ASAP2: variants seen among roughly 807,000 people sequenced by gnomAD.
The protein encoded by ASAP2 is arf-GAP with SH3 domain, ANK repeat and PH domain-containing protein 2.
ASAP2 carries 45 observed loss-of-function variants against 131.4 expected under a neutral mutation model. That is an observed-to-expected ratio of 0.34 (90% CI 0.27 to 0.44). The LOEUF (loss-of-function observed/expected upper bound fraction) is 0.44. ASAP2 is among the 20% of genes least tolerant of loss of function. The probability of loss-of-function intolerance (pLI) is 1.00; values close to 1 mark genes in which losing one functional copy is unlikely to be tolerated. For synonymous variants in ASAP2, 510 were observed against 503.0 expected (o/e 1.01, Z -0.19); for missense variants, 1,011 against 1,297.0 (o/e 0.78, Z 3.39).
rs773086867 is a variant in ASAP2 at position 9,323,087 on chromosome 2, A to G, written c.471-34A>G. The G allele has an allele frequency of 1.9e-6, 3 of 1,613,432 alleles. No homozygotes were observed. The Admixed American group carries it at 5.0e-5, about 27-fold the overall frequency. On this transcript the variant is annotated intron_variant, in intron 5 of 27. Transcript: ENST00000281419. ...CTGTCCCGTTGAGTTCTGTGCCAAC[A>G]GGCATCTTGATGTATCCTTGCTTTC...
At chr2:9,236,574 T>G (rs1207842117) in intron 1 of ASAP2, among the ~76,000 whole-genome samples, 7 of 152,184 alleles carry the variant, frequency 4.6e-5, no homozygotes, top group Admixed American at 3.9e-4. Flanking sequence ...ATAAACATTC[T>G]TAATGTCTAA....
At chr2:9,371,955 C>A (rs1278598274) in intron 16 of ASAP2, among the ~76,000 whole-genome samples, 1 of 152,160 alleles carries the variant, frequency 6.6e-6, no homozygotes, top group African/African-American at 2.4e-5. Flanking sequence ...TCTGAGGGAT[C>A]ACATTAGCAA....
At chr2:9,214,906 CTCTGGCGAAGGTGA>C (rs926250736) in intron 1 of ASAP2, among the ~76,000 whole-genome samples, 1 of 152,148 alleles carries the variant, frequency 6.6e-6, no homozygotes, top group African/African-American at 2.4e-5. Flanking sequence ...CCCTTTGACA[CTCTGGCGAAGGTGA>C]TCTGCCTCTT....
At chr2:9,396,114 G>A (rs1676129500) in intron 24 of ASAP2, among the ~76,000 whole-genome samples, 1 of 152,064 alleles carries the variant, frequency 6.6e-6, no homozygotes, top group Admixed American at 6.6e-5. Flanking sequence ...AGATTCCAGG[G>A]GTTCAGGAGC....
chr2:9,231,015 G>A (rs1003854676), intron 1 of ASAP2, among the ~76,000 whole-genome samples: 1 of 152,152 alleles, frequency 6.6e-6, no homozygotes, highest in Non-Finnish European at 1.5e-5. Flanking sequence ...TGTTTCTGGC[G>A]GGGAGATGCT....
chr2:9,361,557 T>C (rs1673079734), intron 15 of ASAP2, among the ~76,000 whole-genome samples: 1 of 151,486 alleles, frequency 6.6e-6, no homozygotes, highest in Non-Finnish European at 1.5e-5. Flanking sequence ...TTCCTTCCTT[T>C]CTTTTCTTTT....
At chr2:9,266,825 G>A (rs1256269001) in intron 1 of ASAP2, among the ~76,000 whole-genome samples, 5 of 152,192 alleles carry the variant, frequency 3.3e-5, no homozygotes, top group African/African-American at 9.7e-5. Flanking sequence ...AGTGGGAAGC[G>A]CCTGATGCTG....
chr2:9,262,039 G>A (rs565166458), intron 1 of ASAP2, among the ~76,000 whole-genome samples: 35 of 152,292 alleles, frequency 2.3e-4, no homozygotes, highest in African/African-American at 8.4e-4. Context: ...TTTAGAGACA[G>A]GGTGTTGCTA....
At chr2:9,344,682 T>C (rs1361307403) in intron 10 of ASAP2, 47 bp downstream of exon 10, 1 of 1,612,972 alleles carries the variant, frequency 6.2e-7, no homozygotes, top group African/African-American at 1.3e-5. Context: ...TTCGTTATCT[T>C]GTGTCCAAAA....
chr2:9,397,480 G>T (rs1428422208), intron 24 of ASAP2, among the ~76,000 whole-genome samples: 1 of 152,050 alleles, frequency 6.6e-6, no homozygotes, highest in South Asian at 2.1e-4. Context: ...TCAGCGCCCA[G>T]TGGAGTTCTG....
rs1373126203 is a variant in ASAP2, at chr2:9,268,576, A to G, written c.127-10741A>G. 1.3e-5 allele frequency among the ~76,000 whole-genome samples: 2 copies of G among 152,174 alleles called. No individual in the cohort carries two copies. The highest frequency in any genetic ancestry group is 2.9e-5 in the Non-Finnish European group (2 of 68,032). On this transcript the variant is annotated intron_variant, in intron 1 of 27. Transcript: ENST00000281419. This position sits in a 1 kb window ranked among gnomAD's most constrained non-coding sequence, Gnocchi z 4.1. Reference sequence around the variant, plus strand: ...CCCAAAAGGCTTCTGGAAATATTTGACACTGTCATTAATGCTCTCTGTTAC... The same window carrying G: ...CCCAAAAGGCTTCTGGAAATATTTGGCACTGTCATTAATGCTCTCTGTTAC...
At chr2:9,365,883 G>A (rs78680915) in intron 15 of ASAP2, among the ~76,000 whole-genome samples, 2,830 of 152,266 alleles carry the variant, frequency 0.019, 82 homozygotes, top group African/African-American at 0.064. Context: ...CCACAGGAAG[G>A]GCGACGGACT....
In ASAP2 at chr2:9,207,319, T is replaced by C. The variant is rs1429388586; in HGVS notation, c.126+89T>C. 2.1e-6 allele frequency: 3 copies of C among 1,420,478 alleles called. No individual in the cohort carries two copies. The highest frequency in any genetic ancestry group is 2.8e-6 in the Non-Finnish European group (3 of 1,086,198). The allele number at this position is 1,420,478 out of a possible 1,614,324, so 88.0% of individuals were successfully genotyped here. A position where few individuals can be genotyped will look rare whatever the true frequency, so the allele number is the denominator to read the frequency against. On this transcript the variant is annotated intron_variant, in intron 1 of 27. Coordinates refer to ENST00000281419, the MANE Select transcript of ASAP2 (RefSeq NM_003887.3). The surrounding 1 kb of genome is among the most constrained non-coding windows in gnomAD (Gnocchi z 4.1). Reference sequence around the variant, plus strand: ...CCCGCATCCGCATCCCGAGAAAACTTTCTTTGCTCCGAAGCCGGACGCGGC... The same window carrying C: ...CCCGCATCCGCATCCCGAGAAAACTCTCTTTGCTCCGAAGCCGGACGCGGC...
intron 1 of ASAP2, among the ~76,000 whole-genome samples, chr2:9,228,293 G>A (rs1189006308): frequency 6.6e-6 from 1 of 152,146 alleles, no homozygotes; most frequent in Non-Finnish European, 1.5e-5. Context: ...TATGTCATCT[G>A]TCATGGTGAG....
At position 9,368,502 on chromosome 2, in the gene ASAP2, C is replaced by T; in HGVS notation, c.1539C>T (p.Pro513=). The T allele has an allele frequency of 6.2e-7, 1 of 1,614,072 alleles. No individual in the cohort carries two copies. The highest frequency in any genetic ancestry group is 1.1e-5 in the South Asian group (1 of 91,078). The part of the protein sequence containing the change: ...CCLPAEDSVK[P]NPGSDMNARK... ...TACCAGCTGAGGACTCAGTCAAACCCAACCCAGGCAGCGACATGTAAGTAT... is the reference window on the plus strand; with the variant it reads ...TACCAGCTGAGGACTCAGTCAAACCTAACCCAGGCAGCGACATGTAAGTAT... Residue 513 remains proline (P), a synonymous_variant, in exon 16 of 28, where the codon CCC becomes CCT. Coordinates refer to ENST00000281419, the MANE Select transcript of ASAP2 (RefSeq NM_003887.3).
intron 9 of ASAP2, among the ~76,000 whole-genome samples, chr2:9,336,839 A>G (rs1295629452): frequency 6.6e-6 from 1 of 152,218 alleles, no homozygotes; most frequent in Admixed American, 6.5e-5. Flanking sequence ...GCTGCTCCCC[A>G]GCGCACCGTT....
chr2:9,254,254 T>TATAC lies in ASAP2; in HGVS notation c.127-25062_127-25061insTACA, dbSNP rs1553297027. ...AAAAAAAAATATATATATATATATA[T>TATAC]ACACGTGTGTGTGTATGCATATATA... On this transcript the variant is annotated intron_variant, in intron 1 of 27. Transcript: ENST00000281419. Among the ~76,000 whole-genome samples the TATAC allele has an allele frequency of 3.6e-3, 238 of 65,700 alleles. 14 individuals are homozygous for TATAC. Among genetic ancestry groups the TATAC allele is most frequent in the African/African-American group, 8.9e-3 (121 of 13,520 alleles). The allele number at this position is 65,700 out of a possible 152,430, so 43.1% of individuals were successfully genotyped here. A position where few individuals can be genotyped will look rare whatever the true frequency, so the allele number is the denominator to read the frequency against.
rs1663225701 is a variant in ASAP2, at chr2:9,232,306, C to A, written c.126+25076C>A. On this transcript the variant is annotated intron_variant, in intron 1 of 27. Coordinates refer to ENST00000281419, the MANE Select transcript of ASAP2 (RefSeq NM_003887.3). This position sits in a 1 kb window ranked among gnomAD's most constrained non-coding sequence, Gnocchi z 4.1. The stretch of plus-strand genomic sequence containing the variant: ...GTGGTCCCTCTGTTTGTAGAGTCGC[C>A]CTGCTCTTCGTATCTCCCTGCCTGT... 6.6e-6 allele frequency among the ~76,000 whole-genome samples: 1 copy of A among 152,302 alleles called. No individual in the cohort carries two copies. The highest frequency in any genetic ancestry group is 1.9e-4 in the East Asian group (1 of 5,170).
At chr2:9,387,000 T>C (rs996763462) in intron 21 of ASAP2, among the ~76,000 whole-genome samples, 6 of 149,820 alleles carry the variant, frequency 4.0e-5, no homozygotes, top group Admixed American at 1.3e-4. Context: ...GTCAGGAGAT[T>C]GAGACCATCT....
Sources: allele counts gnomAD v4.1 joint callset (sites outside exome capture counted in the v4.1 genomes callset), GRCh38; gene constraint gnomAD v4.1.1; non-coding constraint Gnocchi (gnomAD v3.1); transcripts MANE v1.5; gene names NCBI Gene and HGNC (gene_info 2026-07-23, HGNC 2026-07-21).